Variants in ATP9A observed in about 807,000 individuals in gnomAD.
ATP9A encodes ATPase phospholipid transporting 9A, also known as probable phospholipid-transporting ATPase IIA.
ATP9A carries 52 observed loss-of-function variants against 144.1 expected under a neutral mutation model. The ratio of observed to expected loss-of-function variants is 0.36; its 90% CI spans 0.29 to 0.45. ATP9A has a LOEUF of 0.45. Among genes scored for constraint, ATP9A ranks in the 20% least tolerant of loss-of-function variants. The pLI, the probability that ATP9A is intolerant of heterozygous loss-of-function variation, is 1.00. For missense variants in ATP9A, 947 were observed against 1,392.7 expected (o/e 0.68, Z 5.09); for synonymous variants, 582 against 557.4 (o/e 1.04, Z -0.62).
intron 6 of ATP9A, 35 bp from the exon 7 acceptor site, chr20:51,694,137 T>A: frequency 1.9e-6 from 3 of 1,566,108 alleles, no homozygotes; most frequent in Non-Finnish European, 2.6e-6. Context: ...CACCTGCACC[T>A]CAAGCACCCT....
intron 9 of ATP9A, among the ~76,000 whole-genome samples, chr20:51,677,372 C>A (rs534517799): frequency 6.6e-6 from 1 of 152,250 alleles, no homozygotes. Context: ...ATACAGCGCC[C>A]ACCCTCCCTA....
At chr20:51,638,102 T>C (rs1324095046) in intron 15 of ATP9A, among the ~76,000 whole-genome samples, 1 of 82,878 alleles carries the variant, frequency 1.2e-5, no homozygotes, top group African/African-American at 4.4e-5. Context: ...TATATATATA[T>C]ATATATATAT....
chr20:51,638,388 T>C (rs1371552121), intron 15 of ATP9A, among the ~76,000 whole-genome samples: 1 of 151,384 alleles, frequency 6.6e-6, no homozygotes, highest in Non-Finnish European at 1.5e-5. Context: ...AGCTAAATGA[T>C]GTGAGGAACC....
chr20:51,625,117 T>C, intron 18 of ATP9A, 75 bp downstream of exon 18: 3 of 1,451,634 alleles, frequency 2.1e-6, no homozygotes, highest in Non-Finnish European at 2.8e-6. Flanking sequence ...CCTTTCCCCC[T>C]GTGATCTCCC....
intron 11 of ATP9A, among the ~76,000 whole-genome samples, chr20:51,673,541 A>G (rs2122791085): frequency 6.6e-6 from 1 of 152,168 alleles, no homozygotes; most frequent in East Asian, 1.9e-4. Context: ...CCTTCTCAAC[A>G]CAGCAGTCCC....
At chr20:51,605,164 G>T in intron 26 of ATP9A, 144 bp from the exon 27 acceptor site, 1 of 648,236 alleles carries the variant, frequency 1.5e-6, no homozygotes, top group Non-Finnish European at 2.4e-6. Context: ...GGTGCTTTAT[G>T]CAGGTCTGAA....
intron 26 of ATP9A, among the ~76,000 whole-genome samples, chr20:51,606,533 C>T (rs1269912854): frequency 3.3e-5 from 5 of 152,166 alleles, no homozygotes; most frequent in East Asian, 3.9e-4. Context: ...CTCATCTCTA[C>T]AAAAAATACA....
rs6126304 is a variant in ATP9A at position 51,692,967 on chromosome 20, A to G, written c.642+1041T>C. On this transcript the variant is annotated intron_variant, in intron 7 of 27. Transcript: ENST00000338821. Reference sequence around the variant, plus strand: ...ACTTTCCTCCTCCCTCAGGGGACACAGTAAGGAGTGGCTTCGATCCATGTG... The same window carrying G: ...ACTTTCCTCCTCCCTCAGGGGACACGGTAAGGAGTGGCTTCGATCCATGTG... 3.9e-4 allele frequency among the ~76,000 whole-genome samples: 60 copies of G among 152,274 alleles called. 1 individual carries two copies. The East Asian group carries it at 0.01, about 26-fold the overall frequency.
In ATP9A at chr20:51,676,155, T is replaced by G; in HGVS notation, c.853A>C (p.Asn285His). 1 of 1,613,074 alleles carries G rather than the reference T, an allele frequency of 6.2e-7. No individual in the cohort carries two copies. The highest frequency in any genetic ancestry group is 8.5e-7 in the Non-Finnish European group (1 of 1,179,734). Residue 285 changes from asparagine (N) to histidine (H), a missense_variant, in exon 10 of 28, where the codon AAT (asparagine) becomes CAT (histidine). Physicochemically the swap from Asn to His is moderately conservative, Grantham distance 68. Around this residue, in one of 2 missense-constraint regions of ATP9A, gnomAD observed 770 missense variants for 1,047.9 expected, o/e 0.73. Coordinates refer to ENST00000338821, the MANE Select transcript of ATP9A (RefSeq NM_006045.3). ...YTGRELRSVM[N>H]TSNPRSKIGL... ...ACCTTACTTCGGGGATTTGAGGTAT[T>G]CATGACACTCCGGAGTTCTCTGCCA...
At chr20:51,705,933 A>G (rs1416558592) in intron 4 of ATP9A, among the ~76,000 whole-genome samples, 2 of 152,212 alleles carry the variant, frequency 1.3e-5, no homozygotes, top group Non-Finnish European at 2.9e-5. Flanking sequence ...TTAGGAAGAC[A>G]GCTCTATAAT....
rs148854242 is a variant in ATP9A at position 51,648,237 on chromosome 20, C to G, written c.1506+8701G>C. Among the ~76,000 whole-genome samples the G allele has an allele frequency of 1.8e-3, 273 of 152,234 alleles. 3 individuals are homozygous for G. Among genetic ancestry groups the G allele is most frequent in the Admixed American group, 3.9e-3 (60 of 15,302 alleles). Reference sequence around the variant, plus strand: ...AGAATGTGCTCATAAAAAAACAAACCAACCAACCTCGTAGCCGCAGAAGGA... The same window carrying G: ...AGAATGTGCTCATAAAAAAACAAACGAACCAACCTCGTAGCCGCAGAAGGA... On this transcript the variant is annotated intron_variant, in intron 14 of 27. Coordinates refer to ENST00000338821, the MANE Select transcript of ATP9A (RefSeq NM_006045.3).
rs376859599 is a variant in ATP9A, at chr20:51,716,026, G to C, written c.328-2952C>G. 3.9e-5 allele frequency among the ~76,000 whole-genome samples: 6 copies of C among 152,164 alleles called. No homozygotes were observed. In the East Asian group the frequency reaches 9.7e-4, roughly 25 times the overall value. On this transcript the variant is annotated intron_variant, in intron 3 of 27. Coordinates refer to ENST00000338821, the MANE Select transcript of ATP9A (RefSeq NM_006045.3). ...CAGAAAAGCAGTTGCCTGGGGTGGT[G>C]GGGGCGGGTGGGGTGATAGGAACAG...
chr20:51,726,248 A>G (rs982228344), intron 2 of ATP9A, among the ~76,000 whole-genome samples: 12 of 144,200 alleles, frequency 8.3e-5, no homozygotes, highest in African/African-American at 2.5e-4. Context: ...GGGAGGAGGA[A>G]GTTGCAGTGA....
At chr20:51,640,309 C>T (rs1048137124) in intron 14 of ATP9A, among the ~76,000 whole-genome samples, 5 of 152,124 alleles carry the variant, frequency 3.3e-5, no homozygotes, top group South Asian at 2.1e-4. Context: ...CCAGGGGACC[C>T]GCGCCAACAT....
intron 14 of ATP9A, among the ~76,000 whole-genome samples, chr20:51,645,826 T>A (rs972511071): frequency 1.3e-5 from 2 of 152,178 alleles, no homozygotes; most frequent in South Asian, 4.1e-4. Flanking sequence ...CAAAGTGATA[T>A]ACAACAAGGT....
At chr20:51,749,334 C>T (rs1461713576) in intron 1 of ATP9A, among the ~76,000 whole-genome samples, 1 of 152,112 alleles carries the variant, frequency 6.6e-6, no homozygotes, top group Non-Finnish European at 1.5e-5. Context: ...GCGATCTCGG[C>T]TCACTGCAAC....
rs942066757 is a variant in ATP9A, at chr20:51,685,602, C to T, written c.799+3462G>A. Among the ~76,000 whole-genome samples the T allele has an allele frequency of 8.0e-5, 9 of 112,608 alleles. No individual in the cohort carries two copies. In the East Asian group the frequency reaches 2.3e-3, roughly 29 times the overall value. The allele number at this position is 112,608 out of a possible 152,430, so 73.9% of individuals were successfully genotyped here. On this transcript the variant is annotated intron_variant, in intron 9 of 27. Transcript: ENST00000338821. Reference sequence around the variant, plus strand: ...AAGAAAAAAGAAAAGAAAAGAAAAACAGACACGAAAAAATGCTCATCATCA... The same window carrying T: ...AAGAAAAAAGAAAAGAAAAGAAAAATAGACACGAAAAAATGCTCATCATCA...
rs571954413 is a variant in ATP9A, at chr20:51,623,166, T to C, written c.2017-994A>G. On this transcript the variant is annotated intron_variant, in intron 18 of 27. Coordinates refer to ENST00000338821, the MANE Select transcript of ATP9A (RefSeq NM_006045.3). ...GGCCCTCTCCCCTAGCTGGGTCTGT[T>C]TTCCCTCAATATCCCGCCTGTCCTA... Among the ~76,000 whole-genome samples, 252 of 152,338 alleles carry C rather than the reference T, an allele frequency of 1.7e-3. 1 individual carries two copies. Among genetic ancestry groups the C allele is most frequent in the African/African-American group, 5.8e-3 (241 of 41,570 alleles).
chr20:51,704,977 C>A (rs2077609201), intron 4 of ATP9A, among the ~76,000 whole-genome samples: 1 of 152,124 alleles, frequency 6.6e-6, no homozygotes, highest in Admixed American at 6.6e-5. Context: ...ATCTTTGCAG[C>A]AGTTTTGCTG....
Sources: gnomAD v4.1 joint callset for allele counts (sites outside exome capture counted in the v4.1 genomes callset) on GRCh38, gnomAD v4.1.1 for gene constraint, gnomAD v4.1.1 regional missense constraint, MANE v1.5 for transcripts, NCBI Gene and HGNC (gene_info 2026-07-23, HGNC 2026-07-21) for gene names.